SH2D4B: variants seen among roughly 807,000 people sequenced by gnomAD.
The protein encoded by SH2D4B is SH2 domain containing 4B, also known as SH2 domain-containing protein 4B.
Under a neutral mutation model 61.5 loss-of-function variants are expected in SH2D4B, and 45 were observed. The ratio of observed to expected loss-of-function variants is 0.73; its 90% confidence interval spans 0.58 to 0.94. The LOEUF is 0.94. SH2D4B is among the 40% of genes least tolerant of loss of function. SH2D4B has a pLI of 0.00. For synonymous variants in SH2D4B, 224 were observed against 220.4 expected, an observed-to-expected ratio of 1.02 and a Z score of -0.14; for missense variants, 572 against 574.2, an observed-to-expected ratio of 1.00 and a Z score of 0.04.
intron 1 of SH2D4B, among the ~76,000 whole-genome samples, chr10:80,552,009 C>T (rs1841767772): frequency 6.6e-6 from 1 of 152,174 alleles, no homozygotes; most frequent in African/African-American, 2.4e-5. Flanking sequence ...AGTGTGCTAG[C>T]TCTCTGGCCT....
intron 6 of SH2D4B, among the ~76,000 whole-genome samples, chr10:80,613,198 A>T (rs1842620796): frequency 6.6e-6 from 1 of 152,192 alleles, no homozygotes; most frequent in Non-Finnish European, 1.5e-5. Context: ...ACAAAGAGTG[A>T]TAGTAATTCC....
At chr10:80,603,321 C>T (rs1842473345) in intron 4 of SH2D4B, among the ~76,000 whole-genome samples, 1 of 152,112 alleles carries the variant, frequency 6.6e-6, no homozygotes, top group African/African-American at 2.4e-5. Context: ...GGTATCTTTA[C>T]CTCTGTAGGG....
At chr10:80,621,698 T>G (rs1400797883) in intron 6 of SH2D4B, among the ~76,000 whole-genome samples, 1 of 152,144 alleles carries the variant, frequency 6.6e-6, no homozygotes, top group Non-Finnish European at 1.5e-5. Flanking sequence ...CCTTGTCCTG[T>G]TTTAGCACAT....
At chr10:80,619,264 G>T (rs1262229025) in intron 6 of SH2D4B, among the ~76,000 whole-genome samples, 2 of 152,232 alleles carry the variant, frequency 1.3e-5, no homozygotes, top group Non-Finnish European at 2.9e-5. Context: ...GGACTTGTTT[G>T]TCAGGCCAGT....
At chr10:80,557,573 T>C (rs1326045452) in intron 1 of SH2D4B, among the ~76,000 whole-genome samples, 1 of 152,186 alleles carries the variant, frequency 6.6e-6, no homozygotes, top group Non-Finnish European at 1.5e-5. Context: ...GTTTCTTCTT[T>C]AGTGAACTGT....
intron 1 of SH2D4B, among the ~76,000 whole-genome samples, chr10:80,559,637 A>G (rs989161269): frequency 7.7e-6 from 1 of 129,954 alleles, no homozygotes; most frequent in Non-Finnish European, 1.7e-5. Context: ...GTGGTCCTGC[A>G]TTTTTTTTTT....
At chr10:80,540,991 C>T (rs957845703) in intron 1 of SH2D4B, 54 of 1,206,122 alleles carry the variant, frequency 4.5e-5, no homozygotes, top group Non-Finnish European at 5.6e-5. Flanking sequence ...AGAAAGAACT[C>T]GGGAATGAGT....
chr10:80,578,523 G>A (rs1237757973), intron 3 of SH2D4B, among the ~76,000 whole-genome samples: 1 of 152,094 alleles, frequency 6.6e-6, no homozygotes, highest in Non-Finnish European at 1.5e-5. Flanking sequence ...GCATGAGCAA[G>A]CACAAGAGAT....
chr10:80,642,555 C>T (rs1189231758), intron 7 of SH2D4B, among the ~76,000 whole-genome samples: 2 of 152,338 alleles, frequency 1.3e-5, no homozygotes, highest in Non-Finnish European at 2.9e-5. Flanking sequence ...GACATGCTGG[C>T]TGTCATTCAG....
At chr10:80,608,280 A>T (rs953957229) in intron 5 of SH2D4B, among the ~76,000 whole-genome samples, 4 of 152,250 alleles carry the variant, frequency 2.6e-5, no homozygotes, top group Middle Eastern at 3.4e-3. Context: ...TGGGTGAGGG[A>T]CTGAAGGCAC....
At chr10:80,608,752 C>T (rs1301416063) in intron 5 of SH2D4B, among the ~76,000 whole-genome samples, 1 of 151,662 alleles carries the variant, frequency 6.6e-6, no homozygotes, top group Non-Finnish European at 1.5e-5. Context: ...GGTTTTGTTT[C>T]CTTCCGCCTC....
At chr10:80,543,401 C>T (rs936972549) in intron 1 of SH2D4B, among the ~76,000 whole-genome samples, 6 of 152,172 alleles carry the variant, frequency 3.9e-5, no homozygotes, top group Non-Finnish European at 7.4e-5. Context: ...GCACCTGGGC[C>T]AGCAGCTGCT....
chr10:80,603,760 C>T lies in SH2D4B; in HGVS notation c.825C>T (p.Asp275=). ...CAAGACTCTACCACCACCTCCCCGACCCGGGTCTGCCGCAGCCCCTTGCCC... is the reference window on the plus strand; with the variant it reads ...CAAGACTCTACCACCACCTCCCCGATCCGGGTCTGCCGCAGCCCCTTGCCC... ...QEARLYHHLP[D]PGLPQPLALP... is the part of the protein sequence containing the mutation. Residue 275 remains aspartate, a synonymous_variant, in exon 5 of 8, where the codon GAC becomes GAT. Coordinates refer to ENST00000646907, the MANE Select transcript of SH2D4B (RefSeq NM_001388272.1). 2 of 1,612,284 alleles carry T rather than the reference C, an allele frequency of 1.2e-6. No homozygotes were observed. Among genetic ancestry groups the T allele is most frequent in the Non-Finnish European group, 1.7e-6 (2 of 1,179,852 alleles).
At chr10:80,608,374 T>C (rs1193555976) in intron 5 of SH2D4B, among the ~76,000 whole-genome samples, 1 of 152,148 alleles carries the variant, frequency 6.6e-6, no homozygotes, top group South Asian at 2.1e-4. Context: ...CCCAAAGTGC[T>C]GGGATTACAG....
intron 3 of SH2D4B, among the ~76,000 whole-genome samples, chr10:80,572,597 C>T (rs1251041286): frequency 6.6e-6 from 1 of 151,838 alleles, no homozygotes; most frequent in East Asian, 1.9e-4. Flanking sequence ...CTTGCCTTGC[C>T]TTCCCTCCAC....
intron 4 of SH2D4B, among the ~76,000 whole-genome samples, chr10:80,592,715 C>CTCTTT (rs367708709): frequency 2.2e-5 from 3 of 134,562 alleles, no homozygotes; most frequent in Non-Finnish European, 3.1e-5. Context: ...CTCTCTGTCT[C>CTCTTT]TTTTTTTTTT....
Position 80,588,672 on chromosome 10 carries a change from C to G in SH2D4B, c.538C>G (p.Arg180Gly). The change falls in exon 4 of 8, where the codon CGC becomes GGC. Residue 180 changes from arginine (R) to glycine (G), a missense_variant. Physicochemically the swap from Arg to Gly is moderately radical, Grantham distance 125 (BLOSUM62 -2). Transcript: ENST00000646907. ...GAGGAAGCGAGGAGAAGAGCAGATT[C>G]GCCTCCAGGAAGAGCAGAGGGCGAA... is the stretch of plus-strand genomic sequence containing the variant. ...EERKRGEEQI[R>G]LQEEQRAKEL... 3 of 1,614,004 alleles carry G rather than the reference C, an allele frequency of 1.9e-6. No individual in the cohort carries two copies. Among genetic ancestry groups the G allele is most frequent in the Non-Finnish European group, 2.5e-6 (3 of 1,180,030 alleles).
intron 1 of SH2D4B, among the ~76,000 whole-genome samples, chr10:80,553,012 T>G (rs1247203462): frequency 2.6e-5 from 4 of 152,124 alleles, no homozygotes; most frequent in Non-Finnish European, 4.4e-5. Flanking sequence ...GCCTCCCGGA[T>G]TCAAGTGATT....
intron 4 of SH2D4B, among the ~76,000 whole-genome samples, chr10:80,591,986 C>T (rs72805741): frequency 0.12 from 17,893 of 152,174 alleles, 1,444 homozygotes; most frequent in East Asian, 0.31. Flanking sequence ...GTGACTGCAC[C>T]ATTTTATATC....
Sources: allele counts gnomAD v4.1 joint callset (sites outside exome capture counted in the v4.1 genomes callset), GRCh38; gene constraint gnomAD v4.1.1; transcripts MANE v1.5; gene names NCBI Gene and HGNC (gene_info 2026-07-23, HGNC 2026-07-21).